The following SLC7A2 variants were observed in gnomAD, a reference collection of about 807,000 sequenced individuals.
The protein encoded by SLC7A2 is cationic amino acid transporter 2.
SLC7A2 carries 48 observed loss-of-function variants against 58.9 expected under a neutral mutation model. The ratio of observed to expected loss-of-function variants is 0.82; its 90% confidence interval spans 0.65 to 1.04. The LOEUF is 1.04. Ranked by LOEUF, SLC7A2 falls within the 50% of genes least tolerant of loss-of-function variation. The pLI is 0.00. For missense variants in SLC7A2, 1,029 were observed against 818.8 expected, an observed-to-expected ratio of 1.26 and a Z score of -3.13; for synonymous variants, 363 against 314.5, an observed-to-expected ratio of 1.15 and a Z score of -1.63.
At chr8:17,536,191 A>G (rs1309364990) in intron 2 of SLC7A2, among the ~76,000 whole-genome samples, 1 of 152,086 alleles carries the variant, frequency 6.6e-6, no homozygotes, top group Non-Finnish European at 1.5e-5. Context: ...TAGCTCTTAC[A>G]TGCTCCTCAT....
intron 2 of SLC7A2, among the ~76,000 whole-genome samples, chr8:17,512,956 T>C (rs1370094328): frequency 1.3e-5 from 2 of 152,224 alleles, no homozygotes; most frequent in East Asian, 3.9e-4. Flanking sequence ...TGTTGCAGCA[T>C]GTGTCAGAAT....
intron 2 of SLC7A2, among the ~76,000 whole-genome samples, chr8:17,506,070 A>T (rs142215157): frequency 6.6e-6 from 1 of 152,230 alleles, no homozygotes; most frequent in Non-Finnish European, 1.5e-5. Context: ...TTTTATTGCA[A>T]AAGAAAGCCC....
intron 2 of SLC7A2, among the ~76,000 whole-genome samples, chr8:17,540,490 C>G (rs1444591125): frequency 6.6e-6 from 1 of 151,922 alleles, no homozygotes; most frequent in African/African-American, 2.4e-5. Flanking sequence ...CCTACACAGA[C>G]CTCCCCCCAA....
chr8:17,551,024 T>G (rs1802423912), intron 6 of SLC7A2, among the ~76,000 whole-genome samples: 1 of 152,118 alleles, frequency 6.6e-6, no homozygotes, highest in Non-Finnish European at 1.5e-5. Flanking sequence ...TACAAATAGG[T>G]GAAATAACTT....
chr8:17,496,734 G>C (rs1429728585), upstream of SLC7A2, among the ~76,000 whole-genome samples: 1 of 152,020 alleles, frequency 6.6e-6, no homozygotes, highest in African/African-American at 2.4e-5. Flanking sequence ...GAAAGTAAAC[G>C]GGGGGACCAA....
At chr8:17,559,838 A>T (rs1271861031) in intron 9 of SLC7A2, among the ~76,000 whole-genome samples, 1 of 152,148 alleles carries the variant, frequency 6.6e-6, no homozygotes, top group African/African-American at 2.4e-5. Context: ...TGGGTGTAGA[A>T]GTGGCAGGAT....
chr8:17,567,950 A>C lies in SLC7A2; in HGVS notation c.*2804A>C, dbSNP rs1221758641. 7 of 152,120 alleles carry C rather than the reference A, an allele frequency of 4.6e-5. No individual in the cohort carries two copies. The highest frequency in any genetic ancestry group is 1.0e-4 in the Non-Finnish European group (7 of 68,034). 9.4% of individuals were successfully genotyped at this position (152,120 alleles called of 1,614,324 possible). On this transcript the variant is annotated 3_prime_UTR_variant, in exon 13 of 13. Transcript: ENST00000494857. ...TCTGTCCTGGTAGGTGTTTATTAGC[A>C]AAAGTCAGTATCACCAGCTCTTTGG...
chr8:17,550,410 G>C lies in SLC7A2; in HGVS notation c.808G>C (p.Gly270Arg). 1.2e-6 allele frequency: 2 copies of C among 1,613,766 alleles called. No individual in the cohort carries two copies. The highest frequency in any genetic ancestry group is 1.7e-6 in the Non-Finnish European group (2 of 1,179,860). The change falls in exon 6 of 13, where the codon GGA (glycine) becomes CGA (arginine). Residue 270 changes from glycine to arginine, a missense_variant. Gly to Arg is a moderately radical substitution (Grantham distance 125). Coordinates refer to ENST00000494857, the MANE Select transcript of SLC7A2 (RefSeq NM_001370338.1). ...GAATCFYAFVGFDCIATTGEE... is the reference protein window; with the variant it reads ...GAATCFYAFVRFDCIATTGEE... ...TGCAACTTGCTTTTATGCCTTTGTG[G>C]GATTTGACTGCATTGCAACAACTGG...
In SLC7A2 at chr8:17,544,582, GT is replaced by G. The variant is rs1802076746; in HGVS notation, c.509del (p.Val170GlyfsTer7). 2.5e-6 allele frequency: 4 copies of G among 1,613,788 alleles called. No homozygotes were observed. The highest frequency in any genetic ancestry group is 3.4e-6 in the Non-Finnish European group (4 of 1,179,902). On this transcript the variant is annotated frameshift_variant, in exon 4 of 13. Coordinates refer to ENST00000494857, the MANE Select transcript of SLC7A2 (RefSeq NM_001370338.1). LOFTEE classifies it high-confidence loss of function. ...GLAEYPDFFA[V>X]CLILLLAGLL... ...TGCAGAATATCCCGATTTTTTTGCT[GT>G]GTGCCTTATATTACTTCTAGCAGGT...
intron 6 of SLC7A2, 24 bp from the exon 7 acceptor site, chr8:17,551,740 C>T (rs374932662): frequency 4.3e-5 from 66 of 1,523,978 alleles, no homozygotes; most frequent in Middle Eastern, 3.4e-4. Context: ...TAAGCATACA[C>T]ATCTTTTGTT....
rs1802810915 is a variant in SLC7A2 at position 17,558,417 on chromosome 8, T to A, written c.1298+20T>A. On this transcript the variant is annotated intron_variant, in intron 9 of 12. Coordinates refer to ENST00000494857, the MANE Select transcript of SLC7A2 (RefSeq NM_001370338.1). ...CCTCAGGTGAGTCACCTGGTGGTTC[T>A]ACAGGGTGTACCATGCACGAGGGAC... 1 of 1,491,670 alleles carries A rather than the reference T, an allele frequency of 6.7e-7. No individual in the cohort carries two copies. Among genetic ancestry groups the A allele is most frequent in the Admixed American group, 1.7e-5 (1 of 59,574 alleles). The allele number at this position is 1,491,670 out of a possible 1,614,324, so 92.4% of individuals were successfully genotyped here.
At chr8:17,515,454 C>T (rs896110488) in intron 2 of SLC7A2, among the ~76,000 whole-genome samples, 2 of 152,096 alleles carry the variant, frequency 1.3e-5, no homozygotes, top group Non-Finnish European at 2.9e-5. Flanking sequence ...TGCCACCACA[C>T]CCAGCTAATT....
chr8:17,537,893 C>T (rs1801742734), intron 2 of SLC7A2, among the ~76,000 whole-genome samples: 1 of 152,182 alleles, frequency 6.6e-6, no homozygotes, highest in Non-Finnish European at 1.5e-5. Flanking sequence ...AGTTTTGCTT[C>T]TTCTGTTCCC....
chr8:17,508,786 T>C (rs1489286785), intron 2 of SLC7A2, among the ~76,000 whole-genome samples: 1 of 152,164 alleles, frequency 6.6e-6, no homozygotes, highest in African/African-American at 2.4e-5. Context: ...ATTGAAAGCC[T>C]GATTTATCTC....
intron 8 of SLC7A2, among the ~76,000 whole-genome samples, chr8:17,555,676 C>G (rs1036104046): frequency 6.6e-6 from 1 of 152,148 alleles, no homozygotes; most frequent in African/African-American, 2.4e-5. Flanking sequence ...CATACATATC[C>G]TCTCCAACTC....
rs1802926233 is a variant in SLC7A2, at chr8:17,560,605, A to G, written c.1504+72A>G. 6 of 1,315,770 alleles carry G rather than the reference A, an allele frequency of 4.6e-6. No homozygotes were observed. In the East Asian group the frequency reaches 1.2e-4, roughly 25 times the overall value. The allele number at this position is 1,315,770 out of a possible 1,614,324, so 81.5% of individuals were successfully genotyped here. A position where few individuals can be genotyped will look rare whatever the true frequency, so the allele number is the denominator to read the frequency against. ...GTGAGTAGAGCTGGCATGATATGAA[A>G]GAGAAAAGAGGGCCTAACATTGCCC... On this transcript the variant is annotated intron_variant, in intron 10 of 12. Transcript: ENST00000494857.
intron 2 of SLC7A2, among the ~76,000 whole-genome samples, chr8:17,504,399 A>C (rs1792322326): frequency 6.6e-6 from 1 of 152,200 alleles, no homozygotes; most frequent in African/African-American, 2.4e-5. Context: ...ATTATTTCAT[A>C]CTTTAAAGTC....
At chr8:17,556,460 T>C (rs574873853) in intron 8 of SLC7A2, among the ~76,000 whole-genome samples, 2 of 152,232 alleles carry the variant, frequency 1.3e-5, no homozygotes, top group South Asian at 4.1e-4. Flanking sequence ...TGTGATTTTG[T>C]ACTCCCATAC....
At position 17,562,180 on chromosome 8, in the gene SLC7A2, ATTTTTTTTTTTTTTTTTTTTTTTTTT is replaced by A. The variant is rs200130071; in HGVS notation, c.1671+80_1671+105del. On this transcript the variant is annotated intron_variant, in intron 11 of 12. Coordinates refer to ENST00000494857, the MANE Select transcript of SLC7A2 (RefSeq NM_001370338.1). Reference sequence around the variant, plus strand: ...TCTCTGTATAATTAGTTTGGTAAGTATTTTTTTTTTTTTTTTTTTTTTTTTTTTTTTTTTTGGAGATGGAATCTCTC... The same window carrying A: ...TCTCTGTATAATTAGTTTGGTAAGTATTTTTTTTTGGAGATGGAATCTCTC... 1.3e-5 allele frequency: 8 copies of A among 594,380 alleles called. 1 individual carries two copies. In the African/African-American group the frequency reaches 3.0e-4, roughly 22 times the overall value. 36.8% of individuals were successfully genotyped at this position (594,380 alleles called of 1,614,324 possible). A position where few individuals can be genotyped will look rare whatever the true frequency, so the allele number is the denominator to read the frequency against.
Sources: allele counts gnomAD v4.1 joint callset (sites outside exome capture counted in the v4.1 genomes callset), GRCh38; gene constraint gnomAD v4.1.1; transcripts MANE v1.5; gene names NCBI Gene and HGNC (gene_info 2026-07-23, HGNC 2026-07-21).